Variants in ATP2B2 observed in about 807,000 individuals in gnomAD.
ATP2B2 encodes the protein plasma membrane calcium-transporting ATPase 2.
A neutral mutation model predicts 120.0 loss-of-function variants in ATP2B2; 15 were observed. That is an observed-to-expected ratio of 0.12 (90% CI 0.08 to 0.19). The LOEUF (loss-of-function observed/expected upper bound fraction) is 0.19, where lower values mean the gene tolerates loss of function less well. ATP2B2 is among the 10% of genes least tolerant of loss of function. The probability of loss-of-function intolerance (pLI) is 1.00; values close to 1 mark genes in which losing one functional copy is unlikely to be tolerated. For missense variants in ATP2B2, 1,045 were observed against 1,719.8 expected (o/e 0.61, Z 6.94); for synonymous variants, 694 against 700.3 (o/e 0.99, Z 0.14).
At chr3:10,359,548 A>G (rs571498213) in intron 13 of ATP2B2, among the ~76,000 whole-genome samples, 1 of 152,230 alleles carries the variant, frequency 6.6e-6, no homozygotes, top group Non-Finnish European at 1.5e-5. Context: ...TCTACGCTAA[A>G]GGAAATGAAA....
intron 1 of ATP2B2, among the ~76,000 whole-genome samples, chr3:10,707,449 G>A (rs976595262): frequency 7.2e-5 from 11 of 152,232 alleles, no homozygotes; most frequent in African/African-American, 2.7e-4. Context: ...AGTCTCTGCA[G>A]CTCTCAACCT....
At chr3:10,530,203 C>T (rs765683183) in intron 3 of ATP2B2, among the ~76,000 whole-genome samples, 30 of 152,320 alleles carry the variant, frequency 2.0e-4, no homozygotes, top group Admixed American at 4.6e-4. Flanking sequence ...TTGTTCCCAC[C>T]GGGGACCACC....
rs2060336929 is a variant in ATP2B2 at position 10,343,351 on chromosome 3, C to A, written c.2704-386G>T. On this transcript the variant is annotated intron_variant, in intron 18 of 22. Transcript: ENST00000360273. The surrounding 1 kb of genome is among the most constrained non-coding windows in gnomAD (Gnocchi z 4.2). ...CATGGGCTCCTACCTCCTCCCCCCA[C>A]TGCCTCCTCCCCCTCGGGCTTTCTA... Among the ~76,000 whole-genome samples, 1 of 151,052 alleles carries A rather than the reference C, an allele frequency of 6.6e-6. No homozygotes were observed. The highest frequency in any genetic ancestry group is 1.5e-5 in the Non-Finnish European group (1 of 67,742).
chr3:10,482,472 G>A (rs2125324490), intron 1 of ATP2B2, among the ~76,000 whole-genome samples: 1 of 152,350 alleles, frequency 6.6e-6, no homozygotes, highest in East Asian at 1.9e-4. Flanking sequence ...TCACCTGGGT[G>A]TGTGAGCAAT....
chr3:10,576,295 C>T (rs1464628442), intron 2 of ATP2B2, among the ~76,000 whole-genome samples: 1 of 152,218 alleles, frequency 6.6e-6, no homozygotes, highest in East Asian at 1.9e-4. Context: ...CGGCCTCACT[C>T]CACACTCCGA....
chr3:10,539,979 G>A (rs2125493042), intron 2 of ATP2B2, among the ~76,000 whole-genome samples: 1 of 152,224 alleles, frequency 6.6e-6, no homozygotes, highest in Middle Eastern at 3.4e-3. Context: ...TCCGAAAAAG[G>A]GCTAATATCC....
intron 3 of ATP2B2, among the ~76,000 whole-genome samples, chr3:10,409,596 C>T (rs138567570): frequency 3.7e-4 from 57 of 152,186 alleles, no homozygotes; most frequent in African/African-American, 1.3e-3. Context: ...TTTAAACCCT[C>T]TATGGGAAGA....
At chr3:10,601,251 T>G (rs2068911016) in intron 2 of ATP2B2, among the ~76,000 whole-genome samples, 1 of 152,064 alleles carries the variant, frequency 6.6e-6, no homozygotes, top group Non-Finnish European at 1.5e-5. Flanking sequence ...GCCAGGACAC[T>G]CCAGGAACAC....
chr3:10,531,988 C>T (rs1283923581), intron 3 of ATP2B2, among the ~76,000 whole-genome samples: 2 of 151,956 alleles, frequency 1.3e-5, no homozygotes, highest in African/African-American at 2.4e-5. Flanking sequence ...TCTCCCCGCC[C>T]CACCACCCTG....
chr3:10,620,125 G>A (rs2069505375), intron 1 of ATP2B2, among the ~76,000 whole-genome samples: 1 of 152,178 alleles, frequency 6.6e-6, no homozygotes. Flanking sequence ...CAGGCTTTCT[G>A]GCTCCGCTGG....
At chr3:10,443,555 C>T (rs1035009389) in intron 2 of ATP2B2, among the ~76,000 whole-genome samples, 4 of 152,122 alleles carry the variant, frequency 2.6e-5, no homozygotes, top group Non-Finnish European at 4.4e-5. Context: ...CCGAAGCTGC[C>T]GGAGCCCCCA....
chr3:10,537,366 C>T (rs115964490), intron 2 of ATP2B2, among the ~76,000 whole-genome samples: 1 of 152,100 alleles, frequency 6.6e-6, no homozygotes, highest in Non-Finnish European at 1.5e-5. Context: ...TTTAAAACTT[C>T]TTTCATCTGT....
At chr3:10,461,103 A>G (rs559219631) in intron 1 of ATP2B2, among the ~76,000 whole-genome samples, 9 of 152,336 alleles carry the variant, frequency 5.9e-5, no homozygotes, top group Admixed American at 5.2e-4. Flanking sequence ...AAAACAGCAG[A>G]AAGTAGGACT....
At chr3:10,607,881 G>T (rs992424762) in intron 2 of ATP2B2, among the ~76,000 whole-genome samples, 1 of 152,124 alleles carries the variant, frequency 6.6e-6, no homozygotes, top group Non-Finnish European at 1.5e-5. Flanking sequence ...GTCTAGGGGG[G>T]TGATACTATA....
Position 10,449,471 on chromosome 3 carries a change from C to G in ATP2B2, c.73G>C (p.Gly25Arg). The change falls in exon 2 of 23, where the codon GGG (glycine) becomes CGG (arginine). Residue 25 changes from glycine (G) to arginine (R), a missense_variant. This residue lies in a region of ATP2B2 where 139 missense variants were observed against 134.2 expected (regional missense o/e 1.04). Coordinates refer to ENST00000360273, the MANE Select transcript of ATP2B2 (RefSeq NM_001001331.4). The part of the protein sequence containing the change: ...RNESSHGGEF[G>R]CTMEELRSLM... ...GAGCGGAGCTCCTCCATTGTGCACC[C>G]GAACTCGCCCCCATGGCTCGACTCA... is the stretch of plus-strand genomic sequence containing the variant. The G allele has an allele frequency of 6.2e-7, 1 of 1,614,232 alleles. No homozygotes were observed. The highest frequency in any genetic ancestry group is 8.5e-7 in the Non-Finnish European group (1 of 1,180,032).
chr3:10,483,784 C>T (rs79743019), intron 1 of ATP2B2, among the ~76,000 whole-genome samples: 45,833 of 152,136 alleles, frequency 0.3, 7,544 homozygotes, highest in Non-Finnish European at 0.38. Flanking sequence ...CCGGAAAAAA[C>T]TTCCAAAAAG....
chr3:10,472,123 A>T (rs1385464410), intron 1 of ATP2B2, among the ~76,000 whole-genome samples: 2 of 151,116 alleles, frequency 1.3e-5, no homozygotes, highest in Admixed American at 1.3e-4. Context: ...AGACCTAAGA[A>T]GGGAGGGAGA....
chr3:10,443,868 A>T (rs558492042), intron 2 of ATP2B2, among the ~76,000 whole-genome samples: 8 of 152,330 alleles, frequency 5.3e-5, no homozygotes, highest in South Asian at 4.1e-4. Context: ...AGAGAGTGGA[A>T]GTAGTACAGT....
At chr3:10,482,967 G>T (rs2065473632) in intron 1 of ATP2B2, among the ~76,000 whole-genome samples, 1 of 152,186 alleles carries the variant, frequency 6.6e-6, no homozygotes, top group African/African-American at 2.4e-5. Context: ...CGTGCAGCAG[G>T]CACTGTATTT....
Sources: allele counts gnomAD v4.1 joint callset (sites outside exome capture counted in the v4.1 genomes callset), GRCh38; gene constraint gnomAD v4.1.1; regional missense constraint gnomAD v4.1.1; non-coding constraint Gnocchi (gnomAD v3.1); transcripts MANE v1.5; gene names NCBI Gene and HGNC (gene_info 2026-07-23, HGNC 2026-07-21).